Variants in CACNB2 observed in about 807,000 individuals in gnomAD.
CACNB2 encodes calcium voltage-gated channel auxiliary subunit beta 2.
In CACNB2, 42 loss-of-function variants were observed where a neutral mutation model predicts 73.3. That is an observed-to-expected ratio of 0.57 (90% CI 0.45 to 0.74). The LOEUF is 0.74. CACNB2 is among the 30% of genes least tolerant of loss of function. The probability of loss-of-function intolerance (pLI) is 0.00; values close to 1 mark genes in which losing one functional copy is unlikely to be tolerated. For missense variants in CACNB2, 940 were observed against 853.0 expected (o/e 1.10, Z -1.27); for synonymous variants, 348 against 310.3 (o/e 1.12, Z -1.28).
At chr10:18,282,059 C>T (rs1004493654) in intron 2 of CACNB2, among the ~76,000 whole-genome samples, 3 of 143,714 alleles carry the variant, frequency 2.1e-5, no homozygotes, top group African/African-American at 8.9e-5. Flanking sequence ...CCATCAGGGC[C>T]CCCTGGAAGA....
At chr10:18,309,170 T>C (rs2039861389) in intron 2 of CACNB2, among the ~76,000 whole-genome samples, 1 of 152,198 alleles carries the variant, frequency 6.6e-6, no homozygotes, top group Non-Finnish European at 1.5e-5. Flanking sequence ...TCAGACTAAA[T>C]ATGTTATCTT....
intron 6 of CACNB2, among the ~76,000 whole-genome samples, chr10:18,508,834 A>G (rs970626514): frequency 1.3e-5 from 2 of 152,226 alleles, no homozygotes; most frequent in Non-Finnish European, 2.9e-5. Flanking sequence ...AACTTGCACA[A>G]TCTTAAGTTG....
rs1250715159 is a variant in CACNB2 at position 18,529,154 on chromosome 10, C to T, written c.1054+1457C>T. ...AAGAATTATTATAAAATGCTTATTT[C>T]ATAAATTAAACTGAATTAACAAAGT... On this transcript the variant is annotated intron_variant, in intron 10 of 13. Coordinates refer to ENST00000324631, the MANE Select transcript of CACNB2 (RefSeq NM_201596.3). Among the ~76,000 whole-genome samples the T allele has an allele frequency of 2.6e-5, 4 of 152,302 alleles. No homozygotes were observed. The East Asian group carries it at 7.7e-4, about 29-fold the overall frequency.
chr10:18,220,417 G>A (rs1281366802), intron 2 of CACNB2, among the ~76,000 whole-genome samples: 1 of 149,440 alleles, frequency 6.7e-6, no homozygotes, highest in Non-Finnish European at 1.5e-5. Context: ...CTGCCACCAT[G>A]CCCAGCTAAT....
chr10:18,470,335 T>G lies in CACNB2; in HGVS notation c.334-28020T>G, dbSNP rs546584655. Among the ~76,000 whole-genome samples the G allele has an allele frequency of 2.0e-5, 3 of 149,162 alleles. No homozygotes were observed. In the East Asian group the frequency reaches 5.8e-4, roughly 29 times the overall value. Reference sequence around the variant, plus strand: ...TAATATATATATTGTATATAATGTATAGTATATATCATATAGACTGTGATA... The same window carrying G: ...TAATATATATATTGTATATAATGTAGAGTATATATCATATAGACTGTGATA... On this transcript the variant is annotated intron_variant, in intron 3 of 13. Transcript: ENST00000324631.
At chr10:18,505,511 A>G (rs190895163) in intron 5 of CACNB2, among the ~76,000 whole-genome samples, 21 of 152,350 alleles carry the variant, frequency 1.4e-4, no homozygotes, top group South Asian at 2.1e-4. Context: ...TGATACTTTA[A>G]TAAAACTTTT....
intron 2 of CACNB2, among the ~76,000 whole-genome samples, chr10:18,190,242 T>G (rs1328411032): frequency 6.6e-6 from 1 of 152,192 alleles, no homozygotes; most frequent in Non-Finnish European, 1.5e-5. Context: ...AGGAGATTCA[T>G]CCAGTAATAC....
chr10:18,219,723 G>A (rs1321197648), intron 2 of CACNB2, among the ~76,000 whole-genome samples: 1 of 150,536 alleles, frequency 6.6e-6, no homozygotes, highest in African/African-American at 2.4e-5. Context: ...GCTTCCAACT[G>A]TTATTCATCT....
intron 2 of CACNB2, among the ~76,000 whole-genome samples, chr10:18,356,735 A>G (rs1335203048): frequency 1.3e-5 from 2 of 151,840 alleles, no homozygotes; most frequent in East Asian, 1.9e-4. Context: ...GGCTCAAGCA[A>G]TCCTCCCATC....
At chr10:18,421,777 G>T (rs562118811) in intron 3 of CACNB2, among the ~76,000 whole-genome samples, 64 of 152,226 alleles carry the variant, frequency 4.2e-4, no homozygotes, top group African/African-American at 1.5e-3. Context: ...TATCCTAAGG[G>T]TATACAAAGT....
Position 18,290,112 on chromosome 10 carries a change from C to CTTTTTTTTTTT in CACNB2, c.214-111795_214-111785dup, listed in dbSNP as rs992393946. Among the ~76,000 whole-genome samples the CTTTTTTTTTTT allele has an allele frequency of 9.0e-4, 45 of 50,150 alleles. 2 individuals are homozygous for CTTTTTTTTTTT. The highest frequency in any genetic ancestry group is 1.5e-3 in the African/African-American group (22 of 14,826). The allele number at this position is 50,150 out of a possible 152,430, so 32.9% of individuals were successfully genotyped here. On this transcript the variant is annotated intron_variant, in intron 2 of 13. Transcript: ENST00000324631. ...TAAAGTTTTTTTCTTTTTTCTTTTT[C>CTTTTTTTTTTT]TTTTTTTTTTTTTTTTTTTTTTTTT...
At chr10:18,182,512 A>G (rs2033939341) in intron 2 of CACNB2, among the ~76,000 whole-genome samples, 1 of 143,416 alleles carries the variant, frequency 7.0e-6, no homozygotes, top group Non-Finnish European at 1.5e-5. Context: ...CATTTCAGGA[A>G]GAAGATTAAA....
At chr10:18,183,880 T>C (rs888829595) in intron 2 of CACNB2, among the ~76,000 whole-genome samples, 3 of 152,210 alleles carry the variant, frequency 2.0e-5, no homozygotes, top group Non-Finnish European at 4.4e-5. Flanking sequence ...TAATGCCACA[T>C]GCCACCTCTG....
chr10:18,403,892 A>G (rs1339549994), intron 3 of CACNB2, among the ~76,000 whole-genome samples: 1 of 152,056 alleles, frequency 6.6e-6, no homozygotes, highest in African/African-American at 2.4e-5. Context: ...AAAAATAGAA[A>G]GAATGAATAA....
At chr10:18,340,213 T>C (rs2132066191) in intron 2 of CACNB2, among the ~76,000 whole-genome samples, 1 of 152,304 alleles carries the variant, frequency 6.6e-6, no homozygotes, top group East Asian at 1.9e-4. Flanking sequence ...CTCAGAATAT[T>C]GTGTTTATTA....
chr10:18,531,000 T>G (rs1372092371), intron 10 of CACNB2, among the ~76,000 whole-genome samples: 1 of 152,190 alleles, frequency 6.6e-6, no homozygotes, highest in Admixed American at 6.5e-5. Context: ...TTATACAGAT[T>G]CTTTTTGCAA....
intron 2 of CACNB2, among the ~76,000 whole-genome samples, chr10:18,396,547 T>A (rs1289473694): frequency 2.0e-5 from 3 of 152,054 alleles, no homozygotes; most frequent in Non-Finnish European, 4.4e-5. Flanking sequence ...CTCAGCTCAC[T>A]GCAACCTCCA....
intron 2 of CACNB2, among the ~76,000 whole-genome samples, chr10:18,315,526 A>ACAC (rs1554791255): frequency 8.2e-6 from 1 of 121,824 alleles, no homozygotes; most frequent in Non-Finnish European, 1.8e-5. Context: ...AAAAAAAAAA[A>ACAC]AACTTTTTTT....
chr10:18,186,704 A>G (rs538144792), intron 2 of CACNB2, among the ~76,000 whole-genome samples: 2 of 152,280 alleles, frequency 1.3e-5, no homozygotes, highest in African/African-American at 4.8e-5. Context: ...GACAATACCA[A>G]GAGAGATGGT....
Sources: allele counts gnomAD v4.1 joint callset (sites outside exome capture counted in the v4.1 genomes callset), GRCh38; gene constraint gnomAD v4.1.1; transcripts MANE v1.5; gene names NCBI Gene and HGNC (gene_info 2026-07-23, HGNC 2026-07-21).